Variants in MARCHF3 observed in about 807,000 individuals in gnomAD.
MARCHF3 encodes membrane associated ring-CH-type finger 3.
Under a neutral mutation model 24.2 loss-of-function variants are expected in MARCHF3, and 13 were observed. The ratio of observed to expected loss-of-function variants is 0.54; its 90% CI spans 0.35 to 0.85. The LOEUF (loss-of-function observed/expected upper bound fraction) is 0.85. Ranked by LOEUF, MARCHF3 falls within the 40% of genes least tolerant of loss-of-function variation. The pLI, the probability that MARCHF3 is intolerant of heterozygous loss-of-function variation, is 0.01. For missense variants in MARCHF3, 276 were observed against 325.0 expected (o/e 0.85, Z 1.16); for synonymous variants, 144 against 137.3 (o/e 1.05, Z -0.34).
intron 1 of MARCHF3, among the ~76,000 whole-genome samples, chr5:127,012,969 A>G (rs1030591259): frequency 2.0e-4 from 30 of 152,346 alleles, no homozygotes; most frequent in African/African-American, 5.5e-4. Flanking sequence ...GCAAATTCCC[A>G]ACACTCAACT....
chr5:127,024,065 G>A (rs1752914943), intron 1 of MARCHF3, among the ~76,000 whole-genome samples: 1 of 152,152 alleles, frequency 6.6e-6, no homozygotes, highest in Non-Finnish European at 1.5e-5. Context: ...GAGAAATCAG[G>A]GGAGATGACC....
intron 1 of MARCHF3, among the ~76,000 whole-genome samples, chr5:126,995,244 A>G (rs374570520): frequency 1.3e-5 from 2 of 152,242 alleles, no homozygotes; most frequent in East Asian, 3.8e-4. Context: ...ATTCTTGGAC[A>G]CACAGTTTAA....
chr5:126,941,707 T>C (rs1481574104), intron 1 of MARCHF3, among the ~76,000 whole-genome samples: 1 of 152,170 alleles, frequency 6.6e-6, no homozygotes, highest in Non-Finnish European at 1.5e-5. Context: ...GGTTCACTGG[T>C]GAGAGCACCA....
intron 1 of MARCHF3, among the ~76,000 whole-genome samples, chr5:126,964,235 G>A (rs1408202936): frequency 1.3e-5 from 2 of 152,166 alleles, no homozygotes; most frequent in African/African-American, 2.4e-5. Context: ...ACACACAAAG[G>A]TGAGGATAAC....
At chr5:126,981,865 TA>T (rs1751405554) in intron 1 of MARCHF3, among the ~76,000 whole-genome samples, 1 of 152,252 alleles carries the variant, frequency 6.6e-6, no homozygotes, top group African/African-American at 2.4e-5. Flanking sequence ...TTTTTAATTT[TA>T]CCAGAAGAAC....
At chr5:126,983,166 C>T (rs193099950) in intron 1 of MARCHF3, among the ~76,000 whole-genome samples, 16 of 152,152 alleles carry the variant, frequency 1.1e-4, no homozygotes, top group Admixed American at 3.3e-4. Flanking sequence ...TGGATGCCAC[C>T]GGACACTGCT....
At chr5:127,025,871 C>T (rs578153133) in intron 1 of MARCHF3, among the ~76,000 whole-genome samples, 13 of 152,162 alleles carry the variant, frequency 8.5e-5, no homozygotes, top group African/African-American at 3.1e-4. Context: ...TATTACTAGA[C>T]CCAAAAAGCT....
intron 2 of MARCHF3, 115 bp downstream of exon 2, chr5:126,917,869 T>A: frequency 7.4e-6 from 7 of 951,436 alleles, no homozygotes; most frequent in Non-Finnish European, 1.0e-5. Context: ...TTCCAGCACC[T>A]CCTCTCACCT....
intron 3 of MARCHF3, among the ~76,000 whole-genome samples, chr5:126,896,767 A>C (rs1295136997): frequency 2.0e-5 from 3 of 152,034 alleles, no homozygotes; most frequent in African/African-American, 4.8e-5. Context: ...GGTTCAAGAG[A>C]CACTTTTAGA....
intron 1 of MARCHF3, among the ~76,000 whole-genome samples, chr5:127,017,607 T>C (rs1429069363): frequency 1.3e-5 from 2 of 152,210 alleles, no homozygotes. Flanking sequence ...CAATAAAGTG[T>C]TGAATATCTC....
At chr5:127,017,379 G>C (rs1427232704) in intron 1 of MARCHF3, among the ~76,000 whole-genome samples, 1 of 152,078 alleles carries the variant, frequency 6.6e-6, no homozygotes, top group Non-Finnish European at 1.5e-5. Context: ...AAAAACTAAA[G>C]TTGAGTATTA....
At chr5:127,006,222 T>A (rs578124497) in intron 1 of MARCHF3, among the ~76,000 whole-genome samples, 158 of 148,840 alleles carry the variant, frequency 1.1e-3, no homozygotes, top group Admixed American at 2.1e-3. Context: ...AAAAAAAAAA[T>A]TTCTTTAAAT....
chr5:126,932,193 G>A (rs753197727), intron 1 of MARCHF3, among the ~76,000 whole-genome samples: 2 of 152,238 alleles, frequency 1.3e-5, no homozygotes, highest in Non-Finnish European at 2.9e-5. Context: ...ATTAACATGA[G>A]AGGCAGAGTG....
At chr5:126,940,533 C>T (rs571563896) in intron 1 of MARCHF3, among the ~76,000 whole-genome samples, 6 of 151,946 alleles carry the variant, frequency 3.9e-5, no homozygotes, top group Non-Finnish European at 5.9e-5. Context: ...CTGCAACCTC[C>T]GTCTCACAGA....
chr5:126,956,956 T>C (rs1401366126), intron 1 of MARCHF3, among the ~76,000 whole-genome samples: 9 of 152,378 alleles, frequency 5.9e-5, no homozygotes, highest in Non-Finnish European at 1.2e-4. Flanking sequence ...CTCACTATGT[T>C]GCCCAGGTTG....
At chr5:126,878,119 GGCTTGT>G (rs1753226904) in intron 4 of MARCHF3, 60 bp downstream of exon 4, 3 of 1,510,668 alleles carry the variant, frequency 2.0e-6, no homozygotes, top group Non-Finnish European at 2.8e-6. Context: ...CAAGAGGAAA[GGCTTGT>G]GCCAGCTGTG....
chr5:127,017,104 G>C (rs1253155599), intron 1 of MARCHF3, among the ~76,000 whole-genome samples: 1 of 152,102 alleles, frequency 6.6e-6, no homozygotes, highest in African/African-American at 2.4e-5. Flanking sequence ...TCACGCACTG[G>C]GGCCTGTCAG....
chr5:126,983,279 G>A (rs1449955835), intron 1 of MARCHF3, among the ~76,000 whole-genome samples: 5 of 152,194 alleles, frequency 3.3e-5, no homozygotes, highest in African/African-American at 4.8e-5. Context: ...CTTAAAAATC[G>A]GCTCCAGGAG....
intron 1 of MARCHF3, among the ~76,000 whole-genome samples, chr5:126,946,761 G>GGGGTGTGTGTGT (rs1186024076): frequency 2.5e-4 from 34 of 136,044 alleles, no homozygotes; most frequent in East Asian, 1.6e-3. Flanking sequence ...TGTAAGTAGG[G>GGGGTGTGTGTGT]GTGTGTGTGT....
Sources: allele counts gnomAD v4.1 joint callset (sites outside exome capture counted in the v4.1 genomes callset), GRCh38; gene constraint gnomAD v4.1.1; transcripts MANE v1.5; gene names NCBI Gene and HGNC (gene_info 2026-07-23, HGNC 2026-07-21).